RPA3: variants seen among roughly 807,000 people sequenced by gnomAD.
The protein encoded by RPA3 is replication protein A3, also known as replication protein A 14 kDa subunit.
Under a neutral mutation model 13.7 loss-of-function variants are expected in RPA3, and 24 were observed. The ratio of observed to expected loss-of-function variants is 1.75; its 90% confidence interval spans 1.27 to 2.46. The LOEUF is 2.46. RPA3 is among the 30% of genes most tolerant of loss of function. The probability of loss-of-function intolerance (pLI) is 0.00; values close to 1 mark genes in which losing one functional copy is unlikely to be tolerated. For synonymous variants in RPA3, 59 were observed against 51.2 expected (o/e 1.15, Z -0.65); for missense variants, 183 against 151.0 (o/e 1.21, Z -1.11).
At chr7:7,662,014 G>C (rs558128983) in intron 4 of RPA3, among the ~76,000 whole-genome samples, 1 of 152,304 alleles carries the variant, frequency 6.6e-6, no homozygotes, top group East Asian at 1.9e-4. Flanking sequence ...ACACAGAGAG[G>C]AGGAATCTAG....
At position 7,640,640 on chromosome 7, in the gene RPA3, A is replaced by G; in HGVS notation, c.-222T>C. On this transcript the variant is annotated 5_prime_UTR_variant, in exon 5 of 8. Coordinates refer to ENST00000223129, the MANE Select transcript of RPA3 (RefSeq NM_002947.5). ...GGAAGTGGAGATTGGCTGCTTAGTG[A>G]CGCGCGGCGTCCCGGAAGTTGACAG... 1.8e-6 allele frequency: 1 copy of G among 549,686 alleles called. No homozygotes were observed. The highest frequency in any genetic ancestry group is 2.2e-5 in the South Asian group (1 of 44,542). The allele number at this position is 549,686 out of a possible 1,614,324, so 34.1% of individuals were successfully genotyped here.
intron 1 of RPA3, 63 bp from the exon 2 acceptor site, chr7:7,715,289 C>G (rs1428442636): frequency 1.3e-5 from 2 of 152,056 alleles, no homozygotes; most frequent in Non-Finnish European, 2.9e-5. Flanking sequence ...TTTATGAATA[C>G]AGTTTCATCA....
chr7:7,660,989 T>G (rs192749638), intron 4 of RPA3, among the ~76,000 whole-genome samples: 50 of 134,870 alleles, frequency 3.7e-4, no homozygotes, highest in African/African-American at 1.4e-3. Flanking sequence ...TCTTGGAGGC[T>G]TTGTTCATTC....
At chr7:7,685,597 C>A (rs766743949) in intron 4 of RPA3, among the ~76,000 whole-genome samples, 2 of 152,112 alleles carry the variant, frequency 1.3e-5, no homozygotes. Context: ...CGTGAGCCAC[C>A]GTGCCCGGCC....
At chr7:7,668,918 C>G (rs1299686650) in intron 4 of RPA3, among the ~76,000 whole-genome samples, 1 of 152,148 alleles carries the variant, frequency 6.6e-6, no homozygotes, top group Admixed American at 6.6e-5. Context: ...CACACACCCA[C>G]CCACACTCAC....
At chr7:7,662,418 T>C (rs1785497276) in intron 4 of RPA3, among the ~76,000 whole-genome samples, 2 of 152,132 alleles carry the variant, frequency 1.3e-5, no homozygotes, top group African/African-American at 2.4e-5. Context: ...CCCAGTTTTG[T>C]GCTTAAAACC....
intron 2 of RPA3, among the ~76,000 whole-genome samples, chr7:7,704,600 A>G (rs1213784098): frequency 1.6e-5 from 1 of 62,842 alleles, no homozygotes; most frequent in African/African-American, 6.1e-5. Flanking sequence ...CTAAAATAGA[A>G]AAAAAAAAAA....
chr7:7,639,173 C>G, intron 5 of RPA3, 29 bp from the exon 6 acceptor site: 1 of 1,565,902 alleles, frequency 6.4e-7, no homozygotes, highest in South Asian at 1.1e-5. Flanking sequence ...ATTAAAATCT[C>G]ACTAAAACAA....
At chr7:7,712,227 A>G (rs1474670549) in intron 2 of RPA3, among the ~76,000 whole-genome samples, 1 of 152,150 alleles carries the variant, frequency 6.6e-6, no homozygotes, top group Non-Finnish European at 1.5e-5. Flanking sequence ...TGAATAACAG[A>G]TGGATAATCA....
rs375990113 is a variant in RPA3, at chr7:7,640,463, T to C, written c.-45A>G. On this transcript the variant is annotated 5_prime_UTR_variant, in exon 5 of 8. Transcript: ENST00000223129. The stretch of plus-strand genomic sequence containing the variant: ...GGCTGGCGGGAAACCCACGGACGAC[T>C]GAAACTGTGCGCCCCGCGGGTGTCT... The C allele has an allele frequency of 1.9e-6, 3 of 1,574,412 alleles. No homozygotes were observed. Among genetic ancestry groups the C allele is most frequent in the African/African-American group, 1.4e-5 (1 of 72,550 alleles).
intron 4 of RPA3, among the ~76,000 whole-genome samples, chr7:7,678,222 T>C (rs1779797000): frequency 6.6e-6 from 1 of 150,714 alleles, no homozygotes; most frequent in Admixed American, 6.7e-5. Context: ...ATGAGGTCCC[T>C]TTTCTACACA....
chr7:7,704,143 A>G (rs1027247961), intron 2 of RPA3, among the ~76,000 whole-genome samples: 2 of 152,196 alleles, frequency 1.3e-5, no homozygotes, highest in Admixed American at 6.5e-5. Context: ...ACATCATGAT[A>G]GTCTGAATGC....
At chr7:7,649,558 T>C (rs571976405) in intron 4 of RPA3, among the ~76,000 whole-genome samples, 1 of 152,334 alleles carries the variant, frequency 6.6e-6, no homozygotes, top group African/African-American at 2.4e-5. Context: ...TTGCTTCCTA[T>C]GTGTTCTGTT....
chr7:7,657,828 G>C, intron 4 of RPA3, among the ~76,000 whole-genome samples: 1 of 152,132 alleles, frequency 6.6e-6, no homozygotes, highest in East Asian at 1.9e-4. Flanking sequence ...ATTTAAAGTA[G>C]TTTTTTCTAA....
chr7:7,659,364 T>A (rs1044544671), intron 4 of RPA3, among the ~76,000 whole-genome samples: 1 of 152,190 alleles, frequency 6.6e-6, no homozygotes, highest in South Asian at 2.1e-4. Context: ...ATTTGTTTGC[T>A]CTTGCTTCTC....
At chr7:7,714,519 TAAAA>T (rs1297242848) in intron 2 of RPA3, among the ~76,000 whole-genome samples, 1 of 152,224 alleles carries the variant, frequency 6.6e-6, no homozygotes, top group African/African-American at 2.4e-5. Flanking sequence ...ATTGCTAAAA[TAAAA>T]AAGGAGCTGT....
At chr7:7,647,976 A>G (rs762438134) in intron 4 of RPA3, among the ~76,000 whole-genome samples, 1 of 152,010 alleles carries the variant, frequency 6.6e-6, no homozygotes, top group Non-Finnish European at 1.5e-5. Flanking sequence ...GTTAGAATTT[A>G]TTTGTCTTAT....
intron 4 of RPA3, among the ~76,000 whole-genome samples, chr7:7,642,788 A>G (rs966747744): frequency 2.0e-5 from 3 of 152,162 alleles, no homozygotes; most frequent in African/African-American, 4.8e-5. Context: ...CACTTCCCCA[A>G]TGAAGCCCTC....
chr7:7,671,817 G>A (rs986751395), intron 4 of RPA3, among the ~76,000 whole-genome samples: 3 of 151,686 alleles, frequency 2.0e-5, no homozygotes, highest in African/African-American at 4.8e-5. Flanking sequence ...CTTTTCTTTT[G>A]TATCTATTAC....
Sources: allele counts gnomAD v4.1 joint callset (sites outside exome capture counted in the v4.1 genomes callset), GRCh38; gene constraint gnomAD v4.1.1; transcripts MANE v1.5; gene names NCBI Gene and HGNC (gene_info 2026-07-23, HGNC 2026-07-21).